PRKN: variants seen among roughly 807,000 people sequenced by gnomAD.
PRKN encodes the protein E3 ubiquitin-protein ligase parkin.
Under a neutral mutation model 59.5 loss-of-function variants are expected in PRKN, and 56 were observed. The observed-to-expected ratio is 0.94, with a 90% CI of 0.76 to 1.18. PRKN has a LOEUF of 1.18. Among genes scored for constraint, PRKN ranks in the 50% most tolerant of loss-of-function variants. The pLI is 0.00. For synonymous variants in PRKN, 250 were observed against 222.1 expected (o/e 1.13, Z -1.12); for missense variants, 657 against 596.4 (o/e 1.10, Z -1.06).
chr6:162,671,369 C>T (rs558285092), intron 1 of PRKN, among the ~76,000 whole-genome samples: 94 of 151,920 alleles, frequency 6.2e-4, no homozygotes, highest in Non-Finnish European at 1.2e-3. Context: ...TGTGGTGGCG[C>T]GCGCCTGTAG....
chr6:162,296,268 A>G (rs1252908637), intron 2 of PRKN, among the ~76,000 whole-genome samples: 1 of 84,152 alleles, frequency 1.2e-5, no homozygotes, highest in African/African-American at 4.8e-5. Flanking sequence ...CCAGTACCTC[A>G]CTCCCTATCT....
chr6:161,517,397 G>A (rs1448595417), intron 9 of PRKN, among the ~76,000 whole-genome samples: 1 of 152,026 alleles, frequency 6.6e-6, no homozygotes, highest in African/African-American at 2.4e-5. Context: ...GTTTCATGGG[G>A]TTCTGCTTGG....
intron 2 of PRKN, among the ~76,000 whole-genome samples, chr6:162,268,009 A>G (rs1445695335): frequency 3.9e-5 from 6 of 152,224 alleles, no homozygotes; most frequent in Admixed American, 3.9e-4. Context: ...AGATTCTAAA[A>G]TTGTTAACAA....
At chr6:162,137,709 T>C (rs1025969821) in intron 4 of PRKN, among the ~76,000 whole-genome samples, 3 of 152,166 alleles carry the variant, frequency 2.0e-5, no homozygotes, top group African/African-American at 7.2e-5. Context: ...GGGGCTGAAC[T>C]TGCCCTTTCA....
chr6:162,452,953 C>CA (rs959807753), intron 1 of PRKN, among the ~76,000 whole-genome samples: 1 of 151,992 alleles, frequency 6.6e-6, no homozygotes, highest in African/African-American at 2.4e-5. Context: ...ATTAATATCA[C>CA]AAAAAATAGA....
At chr6:162,193,752 C>A (rs1045732611) in intron 4 of PRKN, among the ~76,000 whole-genome samples, 3 of 152,126 alleles carry the variant, frequency 2.0e-5, no homozygotes, top group Non-Finnish European at 2.9e-5. Context: ...CTCAAAAGTT[C>A]TAAAATTTGA....
intron 1 of PRKN, among the ~76,000 whole-genome samples, chr6:162,510,473 C>T (rs761065671): frequency 2.6e-5 from 4 of 152,258 alleles, no homozygotes; most frequent in Non-Finnish European, 4.4e-5. Flanking sequence ...TGTTTAGTGG[C>T]CTCCTTGGCC....
chr6:162,142,114 G>C (rs1007736353), intron 4 of PRKN, among the ~76,000 whole-genome samples: 1 of 152,138 alleles, frequency 6.6e-6, no homozygotes, highest in Non-Finnish European at 1.5e-5. Flanking sequence ...ACTGCAATAA[G>C]TCTGAAAAGC....
intron 7 of PRKN, among the ~76,000 whole-genome samples, chr6:161,580,834 G>T (rs777228312): frequency 1.3e-5 from 2 of 151,788 alleles, no homozygotes; most frequent in South Asian, 2.1e-4. Context: ...CAATAGACAC[G>T]GATATCGTTG....
At chr6:162,501,953 G>T (rs924384705) in intron 1 of PRKN, among the ~76,000 whole-genome samples, 1 of 152,106 alleles carries the variant, frequency 6.6e-6, no homozygotes, top group Non-Finnish European at 1.5e-5. Flanking sequence ...GTGGGAAAAA[G>T]ACGAATTAAG....
chr6:161,680,742 TATATATATATATATATATATA>T (rs1785291942), intron 7 of PRKN, among the ~76,000 whole-genome samples: 9 of 6,370 alleles, frequency 1.4e-3, no homozygotes, highest in African/African-American at 3.1e-3. Context: ...TATATATATA[TATATATATATATATATATATA>T]TATATATATA....
rs953450428 is a variant in PRKN at position 161,546,588 on chromosome 6, T to A, written c.1083+2266A>T. 6.6e-6 allele frequency among the ~76,000 whole-genome samples: 1 copy of A among 152,102 alleles called. No individual in the cohort carries two copies. Among genetic ancestry groups the A allele is most frequent in the Non-Finnish European group, 1.5e-5 (1 of 68,016 alleles). On this transcript the variant is annotated intron_variant, in intron 9 of 11. Transcript: ENST00000366898. The surrounding 1 kb of genome is among the most constrained non-coding windows in gnomAD (Gnocchi z 4.4). ...TCAGTGCATCCTTTAGAAAATCACTTCTCTGTTCTTTTTTCAGCTTCTTCA... is the reference window on the plus strand; with the variant it reads ...TCAGTGCATCCTTTAGAAAATCACTACTCTGTTCTTTTTTCAGCTTCTTCA...
intron 9 of PRKN, among the ~76,000 whole-genome samples, chr6:161,491,691 C>T (rs957320579): frequency 2.6e-5 from 4 of 151,736 alleles, no homozygotes; most frequent in African/African-American, 7.3e-5. Flanking sequence ...AGTGCAATGG[C>T]GCGATCTTGG....
Position 161,581,714 on chromosome 6 carries a change from T to C in PRKN, c.872-12298A>G, listed in dbSNP as rs1781347718. Among the ~76,000 whole-genome samples, 1 of 152,136 alleles carries C rather than the reference T, an allele frequency of 6.6e-6. No individual in the cohort carries two copies. The highest frequency in any genetic ancestry group is 1.5e-5 in the Non-Finnish European group (1 of 68,014). The stretch of plus-strand genomic sequence containing the variant: ...TGAGAATGAACATCAGCAATTGGTG[T>C]TGACTCAGAAGGCTGAGATTCTGTT... On this transcript the variant is annotated intron_variant, in intron 7 of 11. Transcript: ENST00000366898. The surrounding 1 kb of genome is among the most constrained non-coding windows in gnomAD (Gnocchi z 4.5).
At chr6:162,713,004 G>A (rs35957472) in intron 1 of PRKN, among the ~76,000 whole-genome samples, 5,582 of 152,250 alleles carry the variant, frequency 0.037, 141 homozygotes, top group Non-Finnish European at 0.057. Flanking sequence ...GAAATACTAA[G>A]TATATGAGAT....
intron 6 of PRKN, among the ~76,000 whole-genome samples, chr6:161,957,409 G>GTTGTTTTTTTTTTTTTT (rs1562418017): frequency 7.8e-6 from 1 of 127,394 alleles, no homozygotes; most frequent in African/African-American, 3.1e-5. Flanking sequence ...TGTTCTTGTT[G>GTTGTTTTTTTTTTTTTT]TTTTTTTTTT....
intron 4 of PRKN, among the ~76,000 whole-genome samples, chr6:162,144,445 G>C (rs1484724981): frequency 6.6e-6 from 1 of 152,172 alleles, no homozygotes; most frequent in East Asian, 1.9e-4. Context: ...TGGAGGCAGA[G>C]ATTATTCACC....
intron 9 of PRKN, among the ~76,000 whole-genome samples, chr6:161,434,153 T>C (rs776450942): frequency 6.6e-6 from 1 of 152,146 alleles, no homozygotes; most frequent in Non-Finnish European, 1.5e-5. Flanking sequence ...GTGGGGAATA[T>C]ATTATTAGGA....
chr6:162,672,080 A>C (rs1231500619), intron 1 of PRKN, among the ~76,000 whole-genome samples: 1 of 152,162 alleles, frequency 6.6e-6, no homozygotes, highest in Non-Finnish European at 1.5e-5. Context: ...ACTTGAACTT[A>C]ATGTGGTAGA....
Sources: allele counts gnomAD v4.1 joint callset (sites outside exome capture counted in the v4.1 genomes callset), GRCh38; gene constraint gnomAD v4.1.1; non-coding constraint Gnocchi (gnomAD v3.1); transcripts MANE v1.5; gene names NCBI Gene and HGNC (gene_info 2026-07-23, HGNC 2026-07-21).